CA10: variants seen among roughly 807,000 people sequenced by gnomAD.
CA10 encodes the protein carbonic anhydrase-related protein 10.
CA10 carries 14 observed loss-of-function variants against 44.2 expected under a neutral mutation model. That is an observed-to-expected ratio of 0.32 (90% CI 0.21 to 0.50). CA10 has a LOEUF of 0.50. Ranked by LOEUF, CA10 falls within the 20% of genes least tolerant of loss-of-function variation. CA10 has a pLI of 0.99. For missense variants in CA10, 350 were observed against 409.7 expected, an observed-to-expected ratio of 0.85 and a Z score of 1.26; for synonymous variants, 159 against 141.6, an observed-to-expected ratio of 1.12 and a Z score of -0.87.
intron 6 of CA10, among the ~76,000 whole-genome samples, chr17:51,638,208 T>C (rs902032996): frequency 6.6e-6 from 1 of 152,220 alleles, no homozygotes; most frequent in African/African-American, 2.4e-5. Context: ...TTTGGAATGA[T>C]ATAAATACAA....
intron 4 of CA10, among the ~76,000 whole-genome samples, chr17:51,717,604 T>TAC (rs1289364360): frequency 2.9e-5 from 2 of 67,804 alleles, no homozygotes; most frequent in South Asian, 5.1e-4. Flanking sequence ...TGTATATATA[T>TAC]ACATGTATAC....
At chr17:52,025,683 A>T (rs1427393007) in intron 2 of CA10, among the ~76,000 whole-genome samples, 1 of 152,162 alleles carries the variant, frequency 6.6e-6, no homozygotes, top group Non-Finnish European at 1.5e-5. Context: ...CTATTCATGA[A>T]TGCCTTTTCT....
At chr17:51,678,175 A>G (rs1914698344) in intron 4 of CA10, among the ~76,000 whole-genome samples, 1 of 152,210 alleles carries the variant, frequency 6.6e-6, no homozygotes, top group Non-Finnish European at 1.5e-5. Context: ...AATCTAGAAC[A>G]GGTAAATCCA....
chr17:52,052,913 G>A (rs1376893528), intron 2 of CA10, among the ~76,000 whole-genome samples: 1 of 151,970 alleles, frequency 6.6e-6, no homozygotes, highest in African/African-American at 2.4e-5. Flanking sequence ...AATACAGTGT[G>A]TATGAGTATG....
chr17:51,765,546 G>C (rs1905340763), intron 3 of CA10, among the ~76,000 whole-genome samples: 1 of 152,160 alleles, frequency 6.6e-6, no homozygotes, highest in African/African-American at 2.4e-5. Flanking sequence ...GGCAGATATT[G>C]TCTTTCAGGG....
intron 1 of CA10, among the ~76,000 whole-genome samples, chr17:52,107,541 T>G (rs1988687088): frequency 6.6e-6 from 1 of 152,146 alleles, no homozygotes; most frequent in Non-Finnish European, 1.5e-5. Context: ...CTGTAACATT[T>G]TTATTATCTA....
intron 4 of CA10, among the ~76,000 whole-genome samples, chr17:51,712,891 G>T (rs1337800509): frequency 2.0e-5 from 3 of 152,196 alleles, no homozygotes; most frequent in Non-Finnish European, 4.4e-5. Flanking sequence ...CTTCCATAAA[G>T]GCAGGAGGAG....
intron 4 of CA10, among the ~76,000 whole-genome samples, chr17:51,698,500 T>C (rs1001935272): frequency 1.3e-5 from 2 of 152,252 alleles, no homozygotes; most frequent in South Asian, 2.1e-4. Context: ...TTGTAGACAT[T>C]GTGAAATAAT....
At chr17:52,069,760 A>G (rs1356344356) in intron 2 of CA10, among the ~76,000 whole-genome samples, 2 of 152,200 alleles carry the variant, frequency 1.3e-5, no homozygotes, top group Admixed American at 6.5e-5. Context: ...CCATTGTTAT[A>G]GAGCTCATAT....
At chr17:51,777,757 C>CTT (rs1331353297) in intron 3 of CA10, among the ~76,000 whole-genome samples, 1 of 152,170 alleles carries the variant, frequency 6.6e-6, no homozygotes, top group Non-Finnish European at 1.5e-5. Flanking sequence ...ATGGCAAGAT[C>CTT]TTGTCTTTAC....
chr17:51,666,068 TC>T (rs1914194410), intron 4 of CA10, among the ~76,000 whole-genome samples: 1 of 152,230 alleles, frequency 6.6e-6, no homozygotes, highest in Admixed American at 6.5e-5. Context: ...TTAGGTCAAA[TC>T]AAACCAAATC....
intron 2 of CA10, among the ~76,000 whole-genome samples, chr17:52,060,506 TAA>T (rs1037291153): frequency 5.3e-5 from 8 of 152,202 alleles, no homozygotes; most frequent in Non-Finnish European, 1.2e-4. Flanking sequence ...GGACCTTGGA[TAA>T]AGAGTATATG....
At chr17:51,995,916 T>G (rs1224972373) in intron 2 of CA10, among the ~76,000 whole-genome samples, 1 of 152,054 alleles carries the variant, frequency 6.6e-6, no homozygotes, top group Non-Finnish European at 1.5e-5. Flanking sequence ...TAAAGAGAAT[T>G]TCTCTCAATC....
chr17:52,088,195 T>C (rs1158636437), intron 1 of CA10, among the ~76,000 whole-genome samples: 1 of 152,148 alleles, frequency 6.6e-6, no homozygotes, highest in African/African-American at 2.4e-5. Flanking sequence ...TTTACCTATG[T>C]AACAAACCTG....
intron 2 of CA10, among the ~76,000 whole-genome samples, chr17:51,932,509 C>A (rs1052297553): frequency 1.3e-5 from 2 of 152,118 alleles, no homozygotes; most frequent in African/African-American, 4.8e-5. Context: ...TTGGCCTAGA[C>A]AAACACTTCA....
At chr17:52,028,586 A>G (rs1702246471) in intron 2 of CA10, among the ~76,000 whole-genome samples, 1 of 152,204 alleles carries the variant, frequency 6.6e-6, no homozygotes, top group Non-Finnish European at 1.5e-5. Context: ...CCAAAAGAAG[A>G]TTCTACCAGC....
At position 51,840,516 on chromosome 17, in the gene CA10, C is replaced by T. The variant is rs961644311; in HGVS notation, c.279+90474G>A. Among the ~76,000 whole-genome samples, 38 of 144,522 alleles carry T rather than the reference C, an allele frequency of 2.6e-4. No homozygotes were observed. The East Asian group carries it at 6.4e-3, about 24-fold the overall frequency. The allele number at this position is 144,522 out of a possible 152,430, so 94.8% of individuals were successfully genotyped here. A position where few individuals can be genotyped will look rare whatever the true frequency, so the allele number is the denominator to read the frequency against. ...ACACACACACACACACACACACACA[C>T]GTACTATAGTTTCTTATATCTATAA... On this transcript the variant is annotated intron_variant, in intron 3 of 8. Transcript: ENST00000451037.
At chr17:52,148,369 C>T (rs1245377355) in intron 1 of CA10, among the ~76,000 whole-genome samples, 1 of 152,122 alleles carries the variant, frequency 6.6e-6, no homozygotes. Flanking sequence ...TTTAATTGTC[C>T]TAGTTCAAGC....
chr17:51,849,183 GTATATATATATATACATATA>G (rs1978645751), intron 3 of CA10, among the ~76,000 whole-genome samples: 18 of 76,542 alleles, frequency 2.4e-4, no homozygotes, highest in African/African-American at 6.1e-4. Flanking sequence ...ATACATATAT[GTATATATATATATACATATA>G]TGTATATATA....
Sources: gnomAD v4.1 joint callset for allele counts (sites outside exome capture counted in the v4.1 genomes callset) on GRCh38, gnomAD v4.1.1 for gene constraint, MANE v1.5 for transcripts, NCBI Gene and HGNC (gene_info 2026-07-23, HGNC 2026-07-21) for gene names.